The following RUFY3 variants were observed in gnomAD, a reference collection of about 807,000 sequenced individuals.
RUFY3 encodes the protein protein RUFY3.
A neutral mutation model predicts 84.0 loss-of-function variants in RUFY3; 34 were observed. That is an observed-to-expected ratio of 0.40 (90% CI 0.31 to 0.54). The LOEUF (loss-of-function observed/expected upper bound fraction) is 0.54. Ranked by LOEUF, RUFY3 falls within the 20% of genes least tolerant of loss-of-function variation. The pLI, the probability that RUFY3 is intolerant of heterozygous loss-of-function variation, is 0.39. For synonymous variants in RUFY3, 242 were observed against 252.9 expected (o/e 0.96, Z 0.41); for missense variants, 507 against 736.8 (o/e 0.69, Z 3.61).
At chr4:70,739,120 G>C (rs1720898410) in intron 1 of RUFY3, among the ~76,000 whole-genome samples, 1 of 150,280 alleles carries the variant, frequency 6.7e-6, no homozygotes, top group Non-Finnish European at 1.5e-5. Flanking sequence ...GGAGAAAGTA[G>C]ACCTTGGCCC....
At chr4:70,806,149 T>C (rs1211362832) in intron 17 of RUFY3, among the ~76,000 whole-genome samples, 1 of 152,194 alleles carries the variant, frequency 6.6e-6, no homozygotes, top group Non-Finnish European at 1.5e-5. Flanking sequence ...GTTCACTCAA[T>C]CCATTGCTCT....
chr4:70,728,199 A>T (rs1411137297), intron 1 of RUFY3, among the ~76,000 whole-genome samples: 1 of 152,220 alleles, frequency 6.6e-6, no homozygotes, highest in Non-Finnish European at 1.5e-5. Flanking sequence ...TGCCTTAAAC[A>T]TGCTTAGAAG....
chr4:70,782,084 G>A (rs559530742), intron 8 of RUFY3, among the ~76,000 whole-genome samples: 1 of 152,142 alleles, frequency 6.6e-6, no homozygotes, highest in South Asian at 2.1e-4. Context: ...AATCTTTTAA[G>A]AAATCATCTA....
At chr4:70,735,882 G>A (rs1020760137) in intron 1 of RUFY3, among the ~76,000 whole-genome samples, 3 of 152,100 alleles carry the variant, frequency 2.0e-5, no homozygotes, top group Non-Finnish European at 4.4e-5. Context: ...CAGCTACTCA[G>A]GAGGCTGAGG....
At chr4:70,791,990 T>A in intron 12 of RUFY3, 1 of 984,536 alleles carries the variant, frequency 1.0e-6, no homozygotes. Flanking sequence ...AGGTAACCTA[T>A]GATAACATAA....
At position 70,793,841 on chromosome 4, in the gene RUFY3, A is replaced by C; in HGVS notation, c.1394A>C (p.Lys465Thr). The change falls in exon 13 of 18, where the codon AAA becomes ACA. Residue 465 changes from lysine to threonine, a missense_variant. Physicochemically the swap from Lys to Thr is moderately conservative, Grantham distance 78. Transcript: ENST00000381006. Reference sequence around the variant, plus strand: ...GCTGAGTTGGACAACCGGCTCTTCAAACAGGACTTTGGAGACAAGATCAAC... The same window carrying C: ...GCTGAGTTGGACAACCGGCTCTTCACACAGGACTTTGGAGACAAGATCAAC... The part of the protein sequence containing the change: ...QSAELDNRLF[K>T]QDFGDKINSL... 1 of 1,614,170 alleles carries C rather than the reference A, an allele frequency of 6.2e-7. No homozygotes were observed. Among genetic ancestry groups the C allele is most frequent in the Non-Finnish European group, 8.5e-7 (1 of 1,180,028 alleles).
At chr4:70,707,345 G>T (rs1740450811) in intron 1 of RUFY3, among the ~76,000 whole-genome samples, 1 of 152,128 alleles carries the variant, frequency 6.6e-6, no homozygotes, top group Non-Finnish European at 1.5e-5. Context: ...TGCAACCTCC[G>T]CCTCCCGATT....
intron 1 of RUFY3, among the ~76,000 whole-genome samples, chr4:70,740,282 T>G (rs901032647): frequency 4.1e-4 from 63 of 152,276 alleles, no homozygotes; most frequent in African/African-American, 1.5e-3. Flanking sequence ...ATTAATTGCA[T>G]CACTCTGATA....
At chr4:70,778,641 G>A (rs184585666) in intron 8 of RUFY3, among the ~76,000 whole-genome samples, 9 of 146,368 alleles carry the variant, frequency 6.1e-5, no homozygotes, top group Admixed American at 1.4e-4. Flanking sequence ...GTGCAGTGGC[G>A]CGATCTTGGC....
chr4:70,768,482 C>T, intron 4 of RUFY3, 56 bp from the exon 5 acceptor site: 5 of 1,577,792 alleles, frequency 3.2e-6, no homozygotes, highest in African/African-American at 2.7e-5. Context: ...TTGTCCTTGT[C>T]TCTGGATTTT....
At chr4:70,789,841 T>G in intron 12 of RUFY3, 5 of 1,142,608 alleles carry the variant, frequency 4.4e-6, no homozygotes, top group Non-Finnish European at 4.3e-6. Flanking sequence ...TATGACTGTT[T>G]TGAACATCAG....
intron 5 of RUFY3, among the ~76,000 whole-genome samples, chr4:70,770,953 G>A (rs200908532): frequency 6.6e-6 from 1 of 152,122 alleles, no homozygotes; most frequent in African/African-American, 2.4e-5. Flanking sequence ...TTAGGGAATA[G>A]GGAGGCCAAG....
chr4:70,736,366 TTC>T (rs1439025217), intron 1 of RUFY3, among the ~76,000 whole-genome samples: 1 of 152,098 alleles, frequency 6.6e-6, no homozygotes, highest in Non-Finnish European at 1.5e-5. Flanking sequence ...TAGTATCAGA[TTC>T]TCTTTTTCAA....
intron 4 of RUFY3, among the ~76,000 whole-genome samples, chr4:70,765,808 G>A (rs910404787): frequency 6.6e-6 from 1 of 150,770 alleles, no homozygotes. Context: ...CAGGCTGTAG[G>A]CTGTAGTGCA....
At chr4:70,740,011 A>G (rs1578030270) in intron 1 of RUFY3, among the ~76,000 whole-genome samples, 1 of 149,858 alleles carries the variant, frequency 6.7e-6, no homozygotes, top group East Asian at 2.0e-4. Flanking sequence ...AAAAAAAAAG[A>G]TGAAACACCC....
At chr4:70,743,218 T>C (rs181362343) in intron 1 of RUFY3, among the ~76,000 whole-genome samples, 1 of 152,158 alleles carries the variant, frequency 6.6e-6, no homozygotes, top group East Asian at 1.9e-4. Context: ...TATAGGTGCA[T>C]ACCACCATCC....
intron 1 of RUFY3, among the ~76,000 whole-genome samples, chr4:70,753,731 C>CCAGGTAT (rs1723513104): frequency 1.3e-5 from 2 of 152,274 alleles, no homozygotes; most frequent in Admixed American, 1.3e-4. Context: ...CAGAACATGT[C>CCAGGTAT]ATTTCTCTGG....
chr4:70,755,174 C>T (rs1281363106), intron 1 of RUFY3, among the ~76,000 whole-genome samples: 2 of 152,096 alleles, frequency 1.3e-5, no homozygotes, highest in Admixed American at 6.5e-5. Context: ...GAGCCACCAG[C>T]GTGAGCCACT....
At chr4:70,705,353 G>GCCGGC in intron 1 of RUFY3, 1 of 1,205,698 alleles carries the variant, frequency 8.3e-7, no homozygotes, top group Non-Finnish European at 1.1e-6. Context: ...GCTGGGGAGG[G>GCCGGC]CCGGCCCGGC....
Sources: gnomAD v4.1 joint callset for allele counts (sites outside exome capture counted in the v4.1 genomes callset) on GRCh38, gnomAD v4.1.1 for gene constraint, MANE v1.5 for transcripts, NCBI Gene and HGNC (gene_info 2026-07-23, HGNC 2026-07-21) for gene names.